The following PER3 variants were observed in gnomAD, a reference collection of about 807,000 sequenced individuals.
The protein encoded by PER3 is period circadian protein homolog 3.
Under a neutral mutation model 127.2 loss-of-function variants are expected in PER3, and 107 were observed. The ratio of observed to expected loss-of-function variants is 0.84; its 90% CI spans 0.72 to 0.99. PER3 has a LOEUF of 0.99. Ranked by LOEUF, PER3 falls within the 50% of genes least tolerant of loss-of-function variation. PER3 has a pLI of 0.00. For missense variants in PER3, 1,560 were observed against 1,525.8 expected, an observed-to-expected ratio of 1.02 and a Z score of -0.37; for synonymous variants, 618 against 585.8, an observed-to-expected ratio of 1.05 and a Z score of -0.79.
chr1:7,841,005 T>G (rs2097384424), intron 21 of PER3, among the ~76,000 whole-genome samples: 2 of 152,244 alleles, frequency 1.3e-5, no homozygotes, highest in African/African-American at 4.8e-5. Context: ...TATTTTTCCC[T>G]TTGAATGGCC....
rs1377979708 is a variant in PER3 at position 7,808,988 on chromosome 1, T to G, written c.1232T>G (p.Leu411Arg). 1 of 1,486,950 alleles carries G rather than the reference T, an allele frequency of 6.7e-7. No individual in the cohort carries two copies. Among genetic ancestry groups the G allele is most frequent in the Non-Finnish European group, 9.4e-7 (1 of 1,066,860 alleles). 92.1% of individuals were successfully genotyped at this position (1,486,950 alleles called of 1,614,324 possible). ...ITELQEQIYKLLLQPVHVSVS... is the reference protein window; with the variant it reads ...ITELQEQIYKRLLQPVHVSVS... ...GAATTACAAGAACAAATTTACAAACTTCTCTTACAGGTAAGGTGAGATTGT... is the reference window on the plus strand; with the variant it reads ...GAATTACAAGAACAAATTTACAAACGTCTCTTACAGGTAAGGTGAGATTGT... Residue 411 changes from leucine (L) to arginine (R), a missense_variant, in exon 11 of 22, where the codon CTT (leucine) becomes CGT (arginine). Transcript: ENST00000377532.
At position 7,844,124 on chromosome 1, in the gene PER3, G is replaced by A. The variant is rs139428466; in HGVS notation, c.*1369G>A. 7.1e-5 allele frequency: 21 copies of A among 294,464 alleles called. No individual in the cohort carries two copies. Among genetic ancestry groups the A allele is most frequent in the Admixed American group, 1.2e-4 (2 of 16,636 alleles). The allele number at this position is 294,464 out of a possible 1,614,324, so 18.2% of individuals were successfully genotyped here. ...AAGTTTTACAGCTTTTTGTAAATGC[G>A]TCCTGATAATGATTAGGAAAATCGA... On this transcript the variant is annotated 3_prime_UTR_variant, in exon 22 of 22. Coordinates refer to ENST00000377532, the MANE Select transcript of PER3 (RefSeq NM_001377275.1).
intron 21 of PER3, among the ~76,000 whole-genome samples, chr1:7,838,022 G>A (rs926051427): frequency 3.9e-5 from 6 of 152,040 alleles, no homozygotes; most frequent in East Asian, 1.9e-4. Flanking sequence ...CTATGATCTC[G>A]CCAGTGCATT....
Position 7,798,538 on chromosome 1 carries a change from A to G in PER3, c.658A>G (p.Arg220Gly), listed in dbSNP as rs1345609650. The stretch of plus-strand genomic sequence containing the variant: ...TAATCTCCTCAGTGGAGGTGAAGAC[A>G]GAAAGCAAGAGAAGTGTCACTCCCC... ...FFCRIRGGEDRKQEKCHSPFR... is the reference protein window; with the variant it reads ...FFCRIRGGEDGKQEKCHSPFR... Residue 220 changes from arginine (R) to glycine (G), a missense_variant, in exon 7 of 22, where the codon AGA (arginine) becomes GGA (glycine). This residue lies in a region of PER3 where 1,332 missense variants were observed against 1,223.6 expected (regional missense o/e 1.09). Coordinates refer to ENST00000377532, the MANE Select transcript of PER3 (RefSeq NM_001377275.1). 5.0e-6 allele frequency: 8 copies of G among 1,613,782 alleles called. No individual in the cohort carries two copies. The highest frequency in any genetic ancestry group is 6.8e-6 in the Non-Finnish European group (8 of 1,179,680).
chr1:7,842,458 C>T (rs529693723), intron 21 of PER3, among the ~76,000 whole-genome samples: 2 of 151,936 alleles, frequency 1.3e-5, no homozygotes, highest in Non-Finnish European at 2.9e-5. Context: ...TGAGATCGCA[C>T]CACTGCATTC....
At chr1:7,802,835 G>A (rs2097176174) in intron 8 of PER3, among the ~76,000 whole-genome samples, 1 of 152,222 alleles carries the variant, frequency 6.6e-6, no homozygotes, top group South Asian at 2.1e-4. Context: ...AGATGATTTT[G>A]ATGTAATGTG....
chr1:7,837,144 A>G lies in PER3; in HGVS notation c.3544A>G (p.Ile1182Val). Residue 1182 changes from isoleucine (I) to valine (V), a missense_variant, in exon 21 of 22, where the codon ATT (isoleucine) becomes GTT (valine). Ile to Val is a conservative substitution (Grantham distance 29). This residue lies in a region of PER3 where 199 missense variants were observed against 198.6 expected (regional missense o/e 1.00). Transcript: ENST00000377532. ...CCAGACTGTCACTCAAGAAATCGACATTCAAGTAAGCACAGTAATAATGGC... is the reference window on the plus strand; with the variant it reads ...CCAGACTGTCACTCAAGAAATCGACGTTCAAGTAAGCACAGTAATAATGGC... ...QSQTVTQEID[I>V]QACVTCENED... is the part of the protein sequence containing the mutation. The G allele has an allele frequency of 1.2e-6, 2 of 1,613,242 alleles. No individual in the cohort carries two copies. The highest frequency in any genetic ancestry group is 2.2e-5 in the South Asian group (2 of 90,870).
chr1:7,791,594 A>C (rs116275068), intron 5 of PER3, among the ~76,000 whole-genome samples: 1,965 of 152,340 alleles, frequency 0.013, 40 homozygotes, highest in African/African-American at 0.044. Flanking sequence ...TTACTTCTGC[A>C]AATTTCTGTA....
At position 7,784,789 on chromosome 1, in the gene PER3, A is replaced by AAACC. The variant is rs2097077302; in HGVS notation, c.-88_-85dup. 7.6e-7 allele frequency: 1 copy of AAACC among 1,324,124 alleles called. No homozygotes were observed. Among genetic ancestry groups the AAACC allele is most frequent in the East Asian group, 3.1e-5 (1 of 32,204 alleles). The allele number at this position is 1,324,124 out of a possible 1,614,324, so 82.0% of individuals were successfully genotyped here. ...ACGCCATGGCGGGGACCGGAGTGAG[A>AAACC]AACCGGTGTCTGTCACTGACTGCAA... is the stretch of plus-strand genomic sequence containing the variant. On this transcript the variant is annotated 5_prime_UTR_variant, in exon 2 of 22. It removes the in-frame stop codon of an upstream open reading frame in the 5' UTR. Coordinates refer to ENST00000377532, the MANE Select transcript of PER3 (RefSeq NM_001377275.1).
Position 7,788,229 on chromosome 1 carries a change from A to G in PER3, c.575A>G (p.Asn192Ser). 6.2e-7 allele frequency: 1 copy of G among 1,613,406 alleles called. No individual in the cohort carries two copies. Among genetic ancestry groups the G allele is most frequent in the Non-Finnish European group, 8.5e-7 (1 of 1,179,318 alleles). ...GCCAGAGCTCAGCTTCCTTTCTGGA[A>G]CAACTGGACCCAAAGAGGTAACAGG... ...HTARAQLPFW[N>S]NWTQRAAARY... The change falls in exon 5 of 22, where the codon AAC (asparagine) becomes AGC (serine). Residue 192 changes from asparagine to serine, a missense_variant. By Grantham distance (46) the Asn-to-Ser change is conservative. This residue lies in a region of PER3 where 1,332 missense variants were observed against 1,223.6 expected (regional missense o/e 1.09). Transcript: ENST00000377532.
At chr1:7,811,023 T>TGACATGTATTTACTTTTCTC (rs1485002043) in intron 13 of PER3, among the ~76,000 whole-genome samples, 2 of 152,212 alleles carry the variant, frequency 1.3e-5, no homozygotes, top group African/African-American at 4.8e-5. Flanking sequence ...GCTCTTTTCT[T>TGACATGTATTTACTTTTCTC]GACATGTATT....
chr1:7,803,192 C>A (rs111316520), intron 9 of PER3, 39 bp downstream of exon 9: 35 of 1,202,390 alleles, frequency 2.9e-5, no homozygotes, highest in African/African-American at 2.8e-4. Flanking sequence ...ATATTTTTCT[C>A]TCATTGATTT....
intron 2 of PER3, 32 bp from the exon 3 acceptor site, chr1:7,785,409 G>C (rs1164761596): frequency 6.3e-7 from 1 of 1,582,414 alleles, no homozygotes; most frequent in East Asian, 2.2e-5. Context: ...TGTCTTCAGA[G>C]GATGAAGTTG....
At chr1:7,799,650 T>A (rs2097161564) in intron 7 of PER3, among the ~76,000 whole-genome samples, 2 of 151,532 alleles carry the variant, frequency 1.3e-5, no homozygotes, top group Non-Finnish European at 2.9e-5. Context: ...TTCATGCATG[T>A]TAAATGATTA....
At chr1:7,842,532 TAAAG>T (rs1173550749) in intron 21 of PER3, 136 bp from the exon 22 acceptor site, 7 of 785,812 alleles carry the variant, frequency 8.9e-6, no homozygotes, top group Non-Finnish European at 1.0e-5. Context: ...ATAATAATAA[TAAAG>T]AATGAACTAT....
At chr1:7,798,823 A>G in intron 7 of PER3, 150 bp downstream of exon 7, 1 of 640,600 alleles carries the variant, frequency 1.6e-6, no homozygotes, top group Non-Finnish European at 2.7e-6. Context: ...GTTTTCATTG[A>G]TGTCTCTGTT....
Position 7,798,602 on chromosome 1 carries a change from C to T in PER3, c.722C>T (p.Pro241Leu). Residue 241 changes from proline (P) to leucine (L), a missense_variant, in exon 7 of 22, where the codon CCT (proline) becomes CTT (leucine). Physicochemically the swap from Pro to Leu is moderately conservative, Grantham distance 98. Coordinates refer to ENST00000377532, the MANE Select transcript of PER3 (RefSeq NM_001377275.1). Reference sequence around the variant, plus strand: ...CCCTATCTGATTCATGTACATCACCCTGCCCAGCCAGAATTGGAATCGGAA... The same window carrying T: ...CCCTATCTGATTCATGTACATCACCTTGCCCAGCCAGAATTGGAATCGGAA... ...IIPYLIHVHH[P>L]AQPELESEPC... The T allele has an allele frequency of 1.9e-6, 3 of 1,613,428 alleles. No homozygotes were observed. In the East Asian group the frequency reaches 6.7e-5, roughly 36 times the overall value.
chr1:7,819,582 A>T (rs557940461), intron 14 of PER3, among the ~76,000 whole-genome samples, 162 bp downstream of exon 14: 1 of 152,328 alleles, frequency 6.6e-6, no homozygotes, highest in East Asian at 1.9e-4. Context: ...AACATTTCAG[A>T]AGGCACAAAA....
chr1:7,795,222 G>C (rs1301505211), intron 6 of PER3, among the ~76,000 whole-genome samples: 1 of 152,148 alleles, frequency 6.6e-6, no homozygotes, highest in African/African-American at 2.4e-5. Flanking sequence ...TGCTGTATGT[G>C]TTTCTGATGT....
Sources: allele counts gnomAD v4.1 joint callset (sites outside exome capture counted in the v4.1 genomes callset), GRCh38; gene constraint gnomAD v4.1.1; regional missense constraint gnomAD v4.1.1; transcripts MANE v1.5; gene names NCBI Gene and HGNC (gene_info 2026-07-23, HGNC 2026-07-21).